Variants in DAB1 observed in about 807,000 individuals in gnomAD.
DAB1 encodes DAB adaptor protein 1.
In DAB1, 15 loss-of-function variants were observed where a neutral mutation model predicts 64.6. The observed-to-expected ratio is 0.23, with a 90% confidence interval of 0.16 to 0.36. The LOEUF is 0.36. Among genes scored for constraint, DAB1 ranks in the 10% least tolerant of loss-of-function variants. The pLI is 1.00. For missense variants in DAB1, 596 were observed against 706.7 expected (o/e 0.84, Z 1.78); for synonymous variants, 235 against 251.9 (o/e 0.93, Z 0.64).
At chr1:57,670,354 C>T (rs1646495688) in intron 6 of DAB1, among the ~76,000 whole-genome samples, 1 of 152,126 alleles carries the variant, frequency 6.6e-6, no homozygotes, top group South Asian at 2.1e-4. Context: ...GCCCCAATCA[C>T]TGCAAACTCC....
chr1:57,332,606 C>T (rs575236441), intron 1 of DAB1, among the ~76,000 whole-genome samples: 1 of 152,296 alleles, frequency 6.6e-6, no homozygotes, highest in East Asian at 1.9e-4. Context: ...AATGACTCCA[C>T]TTTTATACAG....
intron 4 of DAB1, among the ~76,000 whole-genome samples, chr1:58,168,762 C>A (rs752841180): frequency 1.3e-5 from 2 of 152,154 alleles, no homozygotes; most frequent in Non-Finnish European, 2.9e-5. Flanking sequence ...CTCTTCCTAC[C>A]CTGGAGATCC....
chr1:57,899,490 A>C (rs537326920), intron 5 of DAB1, among the ~76,000 whole-genome samples: 35 of 152,262 alleles, frequency 2.3e-4, no homozygotes, highest in African/African-American at 8.4e-4. Context: ...GGCACACAGA[A>C]TTTTAACAGA....
At chr1:58,286,443 T>C (rs1661684162) in intron 4 of DAB1, among the ~76,000 whole-genome samples, 1 of 152,190 alleles carries the variant, frequency 6.6e-6, no homozygotes, top group Non-Finnish European at 1.5e-5. Flanking sequence ...ATCCAGAATC[T>C]ATTATCCAAT....
intron 4 of DAB1, among the ~76,000 whole-genome samples, chr1:58,329,553 T>C (rs1423823765): frequency 1.3e-5 from 2 of 152,226 alleles, no homozygotes; most frequent in African/African-American, 2.4e-5. Context: ...TGTATTATTG[T>C]GATTCTCTTT....
chr1:57,803,487 T>C (rs901966984), intron 6 of DAB1, among the ~76,000 whole-genome samples: 1 of 152,230 alleles, frequency 6.6e-6, no homozygotes, highest in African/African-American at 2.4e-5. Context: ...GCAGTCTTCC[T>C]GCCACAGAGC....
intron 1 of DAB1, among the ~76,000 whole-genome samples, chr1:57,344,779 C>T (rs1677946837): frequency 6.6e-6 from 1 of 152,104 alleles, no homozygotes; most frequent in Non-Finnish European, 1.5e-5. Context: ...GCTTGATTCC[C>T]AGCTGCAAGC....
intron 5 of DAB1, among the ~76,000 whole-genome samples, chr1:57,925,254 C>T (rs1211914482): frequency 1.3e-5 from 2 of 152,172 alleles, no homozygotes; most frequent in Non-Finnish European, 2.9e-5. Flanking sequence ...GTACATCAGT[C>T]ATTGTTCAGA....
At chr1:58,354,672 A>C (rs1644092131) in intron 3 of DAB1, among the ~76,000 whole-genome samples, 1 of 152,098 alleles carries the variant, frequency 6.6e-6, no homozygotes, top group Non-Finnish European at 1.5e-5. Flanking sequence ...AGGAAGGGAG[A>C]GGGAGGAGGG....
chr1:58,143,634 A>T (rs774430292), intron 5 of DAB1, among the ~76,000 whole-genome samples: 3 of 152,196 alleles, frequency 2.0e-5, no homozygotes, highest in Non-Finnish European at 4.4e-5. Flanking sequence ...TATTGTATGG[A>T]TTCAATATAA....
At chr1:57,518,246 C>A (rs1004408284) in intron 7 of DAB1, among the ~76,000 whole-genome samples, 5 of 152,150 alleles carry the variant, frequency 3.3e-5, no homozygotes, top group Non-Finnish European at 5.9e-5. Context: ...TCAATGATCT[C>A]ACATCATTCG....
At chr1:58,088,758 T>TAAGACAA (rs1261852938) in intron 5 of DAB1, among the ~76,000 whole-genome samples, 1 of 152,122 alleles carries the variant, frequency 6.6e-6, no homozygotes, top group East Asian at 1.9e-4. Flanking sequence ...GGGTGTCAAA[T>TAAGACAA]AAGACACAAT....
intron 1 of DAB1, among the ~76,000 whole-genome samples, chr1:58,542,284 A>C (rs1184730348): frequency 2.0e-5 from 3 of 152,242 alleles, no homozygotes; most frequent in Admixed American, 6.5e-5. Flanking sequence ...AAATTGTTAA[A>C]TAATTTAAGC....
chr1:57,768,082 TAGG>T (rs1649395476), intron 6 of DAB1, among the ~76,000 whole-genome samples: 1 of 145,640 alleles, frequency 6.9e-6, no homozygotes, highest in Admixed American at 7.3e-5. Flanking sequence ...GAGGCTGAAG[TAGG>T]AGAATTGCTT....
intron 1 of DAB1, among the ~76,000 whole-genome samples, chr1:57,321,155 G>A (rs367950521): frequency 2.6e-5 from 4 of 152,124 alleles, no homozygotes; most frequent in African/African-American, 7.2e-5. Context: ...TTTGGCCACC[G>A]TATTATACTG....
intron 1 of DAB1, among the ~76,000 whole-genome samples, chr1:57,838,869 T>C (rs2101912915): frequency 6.6e-6 from 1 of 151,992 alleles, no homozygotes; most frequent in South Asian, 2.1e-4. Flanking sequence ...TTTGAGGTCC[T>C]GGGCTCAAGC....
intron 1 of DAB1, among the ~76,000 whole-genome samples, chr1:57,842,871 T>A (rs1653117244): frequency 1.3e-5 from 2 of 152,180 alleles, no homozygotes; most frequent in African/African-American, 4.8e-5. Flanking sequence ...GCTCAGAACA[T>A]TTATATTAGT....
chr1:57,726,778 A>T (rs1257309673), intron 6 of DAB1, among the ~76,000 whole-genome samples: 2 of 152,238 alleles, frequency 1.3e-5, no homozygotes, highest in African/African-American at 4.8e-5. Flanking sequence ...CAAAAGTGAC[A>T]GCATCAGTAT....
rs150679479 is a variant in DAB1, at chr1:57,234,152, G to A, written c.67+56812C>T. On this transcript the variant is annotated intron_variant, in intron 2 of 14. Coordinates refer to ENST00000371236, the MANE Select transcript of DAB1 (RefSeq NM_001365792.1). ...GTACAAATATGATTAAGAATGGCCCGACTCAAGGAGTTCACAGTCTAGTGT... is the reference window on the plus strand; with the variant it reads ...GTACAAATATGATTAAGAATGGCCCAACTCAAGGAGTTCACAGTCTAGTGT... Among the ~76,000 whole-genome samples, 246 of 152,260 alleles carry A rather than the reference G, an allele frequency of 1.6e-3. 2 individuals are homozygous for A. The highest frequency in any genetic ancestry group is 5.5e-3 in the African/African-American group (228 of 41,548).
Sources: gnomAD v4.1 joint callset for allele counts (sites outside exome capture counted in the v4.1 genomes callset) on GRCh38, gnomAD v4.1.1 for gene constraint, MANE v1.5 for transcripts, NCBI Gene and HGNC (gene_info 2026-07-23, HGNC 2026-07-21) for gene names.